Variants in TMTC1 observed in about 807,000 individuals in gnomAD.
The protein encoded by TMTC1 is transmembrane O-mannosyltransferase targeting cadherins 1.
In TMTC1, 73 loss-of-function variants were observed where a neutral mutation model predicts 104.8. The observed-to-expected ratio is 0.70, with a 90% CI of 0.58 to 0.85. TMTC1 has a LOEUF of 0.85. Ranked by LOEUF, TMTC1 falls within the 40% of genes least tolerant of loss-of-function variation. The pLI is 0.00. For missense variants in TMTC1, 1,035 were observed against 1,096.1 expected, an observed-to-expected ratio of 0.94 and a Z score of 0.79; for synonymous variants, 434 against 428.7, an observed-to-expected ratio of 1.01 and a Z score of -0.15.
At chr12:29,525,650 AG>A (rs920996798) in intron 11 of TMTC1, among the ~76,000 whole-genome samples, 58 of 151,500 alleles carry the variant, frequency 3.8e-4, no homozygotes, top group Non-Finnish European at 1.8e-4. Flanking sequence ...TGTAGCATTT[AG>A]TCATATCAGA....
At chr12:29,655,691 G>A (rs1477411935) in intron 5 of TMTC1, among the ~76,000 whole-genome samples, 1 of 152,118 alleles carries the variant, frequency 6.6e-6, no homozygotes, top group Non-Finnish European at 1.5e-5. Flanking sequence ...AAATGACAGG[G>A]TATTCCCTCT....
intron 5 of TMTC1, among the ~76,000 whole-genome samples, chr12:29,687,772 C>T (rs1941141078): frequency 6.6e-6 from 1 of 152,180 alleles, no homozygotes; most frequent in South Asian, 2.1e-4. Flanking sequence ...TCTTGGCTTG[C>T]AGACAACTAC....
At chr12:29,781,564 T>G (rs1180173299) in intron 1 of TMTC1, among the ~76,000 whole-genome samples, 1 of 152,222 alleles carries the variant, frequency 6.6e-6, no homozygotes, top group Non-Finnish European at 1.5e-5. Flanking sequence ...CAGTAGCTCA[T>G]GCCCACAAGT....
intron 7 of TMTC1, among the ~76,000 whole-genome samples, chr12:29,600,561 CT>C (rs1385778562): frequency 6.6e-6 from 1 of 152,208 alleles, no homozygotes; most frequent in African/African-American, 2.4e-5. Context: ...ACAATAATGA[CT>C]GTGAAGAAAG....
At chr12:29,517,682 C>G in intron 13 of TMTC1, 111 bp from the exon 14 acceptor site, 2 of 1,256,104 alleles carry the variant, frequency 1.6e-6, no homozygotes, top group Non-Finnish European at 2.2e-6. Flanking sequence ...TGCTCCAATA[C>G]GGTCTTTGTT....
At chr12:29,528,213 T>C (rs890558714) in intron 11 of TMTC1, among the ~76,000 whole-genome samples, 12 of 152,204 alleles carry the variant, frequency 7.9e-5, no homozygotes, top group African/African-American at 2.9e-4. Flanking sequence ...TGGCTACAAG[T>C]CCTGACCTAA....
chr12:29,681,074 G>A (rs921307584), intron 5 of TMTC1, among the ~76,000 whole-genome samples: 8 of 147,918 alleles, frequency 5.4e-5, no homozygotes, highest in African/African-American at 7.5e-5. Context: ...ACACCAGCCT[G>A]GGCAACAGAG....
At chr12:29,576,641 G>T (rs995492910) in intron 8 of TMTC1, among the ~76,000 whole-genome samples, 1 of 152,138 alleles carries the variant, frequency 6.6e-6, no homozygotes, top group Non-Finnish European at 1.5e-5. Context: ...GAGAGGAAAT[G>T]AAGAGATATA....
In TMTC1 at chr12:29,565,842, C is replaced by T. The variant is rs142788451; in HGVS notation, c.1532+6263G>A. Among the ~76,000 whole-genome samples, 21 of 152,212 alleles carry T rather than the reference C, an allele frequency of 1.4e-4. No homozygotes were observed. In the East Asian group the frequency reaches 2.7e-3, roughly 20 times the overall value. ...AGCTTGGGCAACAGGAGTGAGACTC[C>T]GTCTCAAAAAACAAACACAAAAAAC... On this transcript the variant is annotated intron_variant, in intron 9 of 17. Coordinates refer to ENST00000539277, the MANE Select transcript of TMTC1 (RefSeq NM_001193451.2).
chr12:29,730,381 A>G (rs142824381), intron 5 of TMTC1, among the ~76,000 whole-genome samples: 41 of 152,294 alleles, frequency 2.7e-4, no homozygotes, highest in African/African-American at 9.4e-4. Context: ...GTTAAGCTAA[A>G]TGTCTTATTA....
chr12:29,683,845 ATTTT>A (rs57599919), intron 5 of TMTC1, among the ~76,000 whole-genome samples: 1 of 140,980 alleles, frequency 7.1e-6, no homozygotes, highest in Non-Finnish European at 1.6e-5. Flanking sequence ...ATTTCCTATC[ATTTT>A]TTTTTTTTTT....
chr12:29,699,202 GT>G (rs1468647236), intron 5 of TMTC1, among the ~76,000 whole-genome samples: 1 of 152,184 alleles, frequency 6.6e-6, no homozygotes, highest in Non-Finnish European at 1.5e-5. Context: ...ATAGGTAACA[GT>G]TGTGCAGAGG....
At chr12:29,529,828 C>T (rs1051815669) in intron 11 of TMTC1, 8 of 152,176 alleles carry the variant, frequency 5.3e-5, no homozygotes, top group African/African-American at 1.7e-4. Context: ...CAAGGAAATA[C>T]AAGGTGTTTC....
intron 5 of TMTC1, among the ~76,000 whole-genome samples, chr12:29,743,369 T>C (rs1288975328): frequency 6.6e-6 from 1 of 152,178 alleles, no homozygotes; most frequent in Non-Finnish European, 1.5e-5. Context: ...TGGGAAGTGC[T>C]ACAGTGGTAC....
In TMTC1 at chr12:29,604,297, T is replaced by C. The variant is rs199958110; in HGVS notation, c.1131A>G (p.Arg377=). 1 of 1,613,900 alleles carries C rather than the reference T, an allele frequency of 6.2e-7. No individual in the cohort carries two copies. Among genetic ancestry groups the C allele is most frequent in the South Asian group, 1.1e-5 (1 of 91,072 alleles). The change falls in exon 7 of 18, where the codon AGA becomes AGG. Residue 377 remains arginine, a splice_region_variant and synonymous_variant. Coordinates refer to ENST00000539277, the MANE Select transcript of TMTC1 (RefSeq NM_001193451.2). ...CGACTAAAACCTCCTTGTGCTCCAGTCTCTGAAACACACAATAGTGAAGGA... is the reference window on the plus strand; with the variant it reads ...CGACTAAAACCTCCTTGTGCTCCAGCCTCTGAAACACACAATAGTGAAGGA... The part of the protein sequence containing the change: ...LSLHCLAAFK[R]LEHKEVLVGL...
intron 7 of TMTC1, among the ~76,000 whole-genome samples, chr12:29,587,532 C>T (rs1946171700): frequency 6.6e-6 from 1 of 152,068 alleles, no homozygotes; most frequent in African/African-American, 2.4e-5. Flanking sequence ...TGGGGTTTCG[C>T]TATGTTGCCC....
chr12:29,739,553 T>C (rs1281372765), intron 5 of TMTC1, among the ~76,000 whole-genome samples: 1 of 152,164 alleles, frequency 6.6e-6, no homozygotes, highest in Non-Finnish European at 1.5e-5. Flanking sequence ...CACCAAGATG[T>C]AAGCTAATCC....
rs564291195 is a variant in TMTC1 at position 29,546,386 on chromosome 12, C to G, written c.1677-10069G>C. On this transcript the variant is annotated intron_variant, in intron 10 of 17. Coordinates refer to ENST00000539277, the MANE Select transcript of TMTC1 (RefSeq NM_001193451.2). Reference sequence around the variant, plus strand: ...AAACACCAAACTAAGGGAACTGGGCCCTATATCAGGAGGGTACAAATGGGA... The same window carrying G: ...AAACACCAAACTAAGGGAACTGGGCGCTATATCAGGAGGGTACAAATGGGA... Among the ~76,000 whole-genome samples, 80 of 152,116 alleles carry G rather than the reference C, an allele frequency of 5.3e-4. 1 individual carries two copies. The highest frequency in any genetic ancestry group is 1.8e-3 in the African/African-American group (73 of 41,508).
chr12:29,581,287 G>T (rs921659185), intron 8 of TMTC1, among the ~76,000 whole-genome samples: 2 of 152,204 alleles, frequency 1.3e-5, no homozygotes, highest in African/African-American at 4.8e-5. Flanking sequence ...AAAAAGAACA[G>T]TCTTAATAGT....
Sources: gnomAD v4.1 joint callset for allele counts (sites outside exome capture counted in the v4.1 genomes callset) on GRCh38, gnomAD v4.1.1 for gene constraint, MANE v1.5 for transcripts, NCBI Gene and HGNC (gene_info 2026-07-23, HGNC 2026-07-21) for gene names.